CTNNA3: variants seen among roughly 807,000 people sequenced by gnomAD.
The protein encoded by CTNNA3 is catenin alpha-3.
A neutral mutation model predicts 95.7 loss-of-function variants in CTNNA3; 76 were observed. That is an observed-to-expected ratio of 0.79 (90% CI 0.66 to 0.96). The LOEUF (loss-of-function observed/expected upper bound fraction) is 0.96. Among genes scored for constraint, CTNNA3 ranks in the 40% least tolerant of loss-of-function variants. CTNNA3 has a pLI of 0.00. For synonymous variants in CTNNA3, 431 were observed against 374.4 expected (o/e 1.15, Z -1.74); for missense variants, 1,191 against 1,089.8 (o/e 1.09, Z -1.31).
intron 7 of CTNNA3, among the ~76,000 whole-genome samples, chr10:66,877,748 T>C (rs1844680615): frequency 1.3e-5 from 2 of 152,134 alleles, no homozygotes; most frequent in Admixed American, 1.3e-4. Flanking sequence ...CTTGTCTTGA[T>C]TTAGAAAAAT....
chr10:66,421,892 A>AATATG (rs2093197141), intron 11 of CTNNA3, among the ~76,000 whole-genome samples: 1 of 119,674 alleles, frequency 8.4e-6, no homozygotes, highest in African/African-American at 4.3e-5. Flanking sequence ...CTTCATAATA[A>AATATG]ATGTGATATA....
At position 66,012,074 on chromosome 10, in the gene CTNNA3, C is replaced by T. The variant is rs981245437; in HGVS notation, c.2160-23277G>A. Among the ~76,000 whole-genome samples the T allele has an allele frequency of 7.2e-5, 11 of 152,080 alleles. No individual in the cohort carries two copies. The South Asian group carries it at 1.0e-3, about 14-fold the overall frequency. ...AAATAAAATGTGGCTTATTCACCCA[C>T]GTATTTGTTTATTAATTTATTCATT... is the stretch of plus-strand genomic sequence containing the variant. On this transcript the variant is annotated intron_variant, in intron 15 of 17. Coordinates refer to ENST00000433211, the MANE Select transcript of CTNNA3 (RefSeq NM_013266.4).
In CTNNA3 at chr10:67,631,503, C is replaced by T. The variant is rs138518807; in HGVS notation, c.99+15912G>A. Among the ~76,000 whole-genome samples, 4 of 152,106 alleles carry T rather than the reference C, an allele frequency of 2.6e-5. No homozygotes were observed. In the East Asian group the frequency reaches 7.7e-4, roughly 29 times the overall value. On this transcript the variant is annotated intron_variant, in intron 2 of 17. Coordinates refer to ENST00000433211, the MANE Select transcript of CTNNA3 (RefSeq NM_013266.4). ...GAGGTGATAAGTAATTTCTGTGGAACCCTGGAAGCAAAGGAATATAACATG... is the reference window on the plus strand; with the variant it reads ...GAGGTGATAAGTAATTTCTGTGGAATCCTGGAAGCAAAGGAATATAACATG...
At chr10:67,534,181 A>G (rs926304732) in intron 4 of CTNNA3, among the ~76,000 whole-genome samples, 17 of 151,930 alleles carry the variant, frequency 1.1e-4, no homozygotes, top group South Asian at 4.2e-4. Context: ...GTTTTGGGGG[A>G]AAAAAAGTGT....
chr10:67,034,388 G>A (rs1054537958), intron 7 of CTNNA3, among the ~76,000 whole-genome samples: 10 of 152,120 alleles, frequency 6.6e-5, no homozygotes, highest in South Asian at 4.2e-4. Flanking sequence ...AAATGTTCTG[G>A]TTGCCCTCAA....
Position 67,489,805 on chromosome 10 carries a change from T to TATATATATATATACAC in CTNNA3, c.579+32036_579+32037insGTGTATATATATATAT, listed in dbSNP as rs927605119. ...ACATGATTTTATATATATATATATA[T>TATATATATATATACAC]ACACACATTAGGTGTGTGTATATAC... On this transcript the variant is annotated intron_variant, in intron 5 of 17. Transcript: ENST00000433211. Among the ~76,000 whole-genome samples, 22 of 148,966 alleles carry TATATATATATATACAC rather than the reference T, an allele frequency of 1.5e-4. 1 individual carries two copies. The highest frequency in any genetic ancestry group is 5.5e-4 in the African/African-American group (22 of 40,118).
At chr10:66,966,585 A>G (rs1391841953) in intron 7 of CTNNA3, among the ~76,000 whole-genome samples, 1 of 152,088 alleles carries the variant, frequency 6.6e-6, no homozygotes, top group Non-Finnish European at 1.5e-5. Flanking sequence ...ACTGTAGGTC[A>G]GTTTTAGTGT....
chr10:66,596,936 T>A, intron 10 of CTNNA3, among the ~76,000 whole-genome samples: 1 of 146,704 alleles, frequency 6.8e-6, no homozygotes, highest in Non-Finnish European at 1.5e-5. Context: ...CTAAATAAAA[T>A]CAAGAAAACA....
intron 7 of CTNNA3, among the ~76,000 whole-genome samples, chr10:67,064,178 C>T (rs918810359): frequency 2.6e-5 from 4 of 152,076 alleles, no homozygotes; most frequent in Non-Finnish European, 5.9e-5. Context: ...TTTCATCTTA[C>T]ATCATTAGAA....
chr10:67,108,056 A>G (rs1439867040), intron 7 of CTNNA3, among the ~76,000 whole-genome samples: 1 of 152,236 alleles, frequency 6.6e-6, no homozygotes, highest in Non-Finnish European at 1.5e-5. Context: ...AGCTGAAATA[A>G]GGAAAAGTCC....
At chr10:66,386,620 A>C (rs1424366868) in intron 11 of CTNNA3, among the ~76,000 whole-genome samples, 2 of 152,214 alleles carry the variant, frequency 1.3e-5, no homozygotes, top group African/African-American at 2.4e-5. Flanking sequence ...TGGAACCAAA[A>C]AAGAGCCCAC....
rs1564744607 is a variant in CTNNA3, at chr10:67,564,715, A to ATATATG, written c.293-25047_293-25046insCATATA. On this transcript the variant is annotated intron_variant, in intron 3 of 17. Coordinates refer to ENST00000433211, the MANE Select transcript of CTNNA3 (RefSeq NM_013266.4). ...TATATATATATATATATATATATAT[A>ATATATG]TATCACTATGATCAGGTGGGTTTTA... Among the ~76,000 whole-genome samples, 6 of 86,344 alleles carry ATATATG rather than the reference A, an allele frequency of 6.9e-5. 1 individual carries two copies. Among genetic ancestry groups the ATATATG allele is most frequent in the African/African-American group, 2.5e-4 (6 of 24,374 alleles). 56.6% of individuals were successfully genotyped at this position (86,344 alleles called of 152,430 possible). A position where few individuals can be genotyped will look rare whatever the true frequency, so the allele number is the denominator to read the frequency against.
At chr10:66,514,537 C>T (rs1049041292) in intron 11 of CTNNA3, among the ~76,000 whole-genome samples, 7 of 152,122 alleles carry the variant, frequency 4.6e-5, no homozygotes, top group Non-Finnish European at 7.4e-5. Context: ...TAGAAGTGGT[C>T]AATCTCTTTT....
chr10:66,050,048 ATAT>A (rs1299645332), intron 15 of CTNNA3, among the ~76,000 whole-genome samples: 1 of 152,180 alleles, frequency 6.6e-6, no homozygotes, highest in Admixed American at 6.5e-5. Context: ...GTATTACAAT[ATAT>A]TATATTTCAA....
At chr10:66,502,740 A>G (rs775797259) in intron 11 of CTNNA3, among the ~76,000 whole-genome samples, 53 of 152,202 alleles carry the variant, frequency 3.5e-4, no homozygotes, top group Middle Eastern at 3.4e-3. Flanking sequence ...AAAACTCTAT[A>G]ATGATCATAC....
chr10:66,464,884 T>TAA (rs35744077), intron 11 of CTNNA3, among the ~76,000 whole-genome samples: 3 of 150,516 alleles, frequency 2.0e-5, no homozygotes, highest in African/African-American at 7.3e-5. Flanking sequence ...CCAGCCTCAT[T>TAA]AAAAAAAAAT....
At chr10:66,628,449 G>T (rs1488248969) in intron 9 of CTNNA3, among the ~76,000 whole-genome samples, 1 of 152,040 alleles carries the variant, frequency 6.6e-6, no homozygotes, top group Admixed American at 6.6e-5. Flanking sequence ...AAACTTAACT[G>T]CCCCGAGTGG....
intron 10 of CTNNA3, among the ~76,000 whole-genome samples, chr10:66,567,489 C>G (rs1259379827): frequency 1.3e-5 from 2 of 152,026 alleles, no homozygotes; most frequent in East Asian, 3.9e-4. Flanking sequence ...CATGGTGGTA[C>G]ATGCCTGTAG....
intron 13 of CTNNA3, among the ~76,000 whole-genome samples, chr10:66,129,923 C>G (rs922555683): frequency 6.6e-6 from 1 of 152,150 alleles, no homozygotes; most frequent in South Asian, 2.1e-4. Context: ...GAACCCTGCA[C>G]TATGCCATGC....
Sources: allele counts gnomAD v4.1 joint callset (sites outside exome capture counted in the v4.1 genomes callset), GRCh38; gene constraint gnomAD v4.1.1; transcripts MANE v1.5; gene names NCBI Gene and HGNC (gene_info 2026-07-23, HGNC 2026-07-21).